ARFGEF1: variants seen among roughly 807,000 people sequenced by gnomAD.
The protein encoded by ARFGEF1 is brefeldin A-inhibited guanine nucleotide-exchange protein 1.
In ARFGEF1, 42 loss-of-function variants were observed where a neutral mutation model predicts 231.0. The ratio of observed to expected loss-of-function variants is 0.18; its 90% CI spans 0.14 to 0.24. ARFGEF1 has a LOEUF of 0.24. Among genes scored for constraint, ARFGEF1 ranks in the 10% least tolerant of loss-of-function variants. The probability of loss-of-function intolerance (pLI) is 1.00; values close to 1 mark genes in which losing one functional copy is unlikely to be tolerated. For missense variants in ARFGEF1, 1,345 were observed against 2,192.0 expected (o/e 0.61, Z 7.72); for synonymous variants, 710 against 732.3 (o/e 0.97, Z 0.49).
chr8:67,300,851 TA>T (rs762595248), intron 3 of ARFGEF1, among the ~76,000 whole-genome samples: 121 of 130,850 alleles, frequency 9.2e-4, no homozygotes, highest in Middle Eastern at 3.8e-3. Flanking sequence ...CTCAAAAAAT[TA>T]AAAAAAAAAA....
downstream of ARFGEF1, chr8:67,193,561 T>C (rs2129575962): frequency 6.2e-7 from 1 of 1,613,888 alleles, no homozygotes; most frequent in Non-Finnish European, 8.5e-7. Flanking sequence ...GAGGAACGAA[T>C]GCGAAGACTG....
At chr8:67,330,361 C>G (rs947577316) in intron 1 of ARFGEF1, among the ~76,000 whole-genome samples, 4 of 152,174 alleles carry the variant, frequency 2.6e-5, no homozygotes, top group Admixed American at 2.6e-4. Flanking sequence ...AACAAAAGAA[C>G]CTTTCCTTCT....
rs1840175965 is a variant in ARFGEF1, at chr8:67,248,560, C to T, written c.2850+2739G>A. On this transcript the variant is annotated intron_variant, in intron 19 of 38. Transcript: ENST00000262215. Reference sequence around the variant, plus strand: ...ACCGTAAGAAAACATTGAGGATTCTCTAGGACATTAAGCTGGGCAAAGATT... The same window carrying T: ...ACCGTAAGAAAACATTGAGGATTCTTTAGGACATTAAGCTGGGCAAAGATT... 1.3e-5 allele frequency among the ~76,000 whole-genome samples: 2 copies of T among 150,470 alleles called. 1 individual carries two copies. Among genetic ancestry groups the T allele is most frequent in the Admixed American group, 1.3e-4 (2 of 15,054 alleles).
intron 34 of ARFGEF1, among the ~76,000 whole-genome samples, chr8:67,208,465 A>T (rs1252907586): frequency 1.3e-5 from 2 of 152,014 alleles, no homozygotes; most frequent in African/African-American, 4.8e-5. Flanking sequence ...CCCCATCTCT[A>T]CTAAAAATCC....
In ARFGEF1 at chr8:67,219,721, A is replaced by C. The variant is rs368840614; in HGVS notation, c.4209-161T>G. ...TTAAAAAATTTAAGTTGTAAGAACA[A>C]CAGGTTCCTTTAGGATACATCATTC... On this transcript the variant is annotated intron_variant, in intron 29 of 38. Coordinates refer to ENST00000262215, the MANE Select transcript of ARFGEF1 (RefSeq NM_006421.5). 4.6e-5 allele frequency among the ~76,000 whole-genome samples: 7 copies of C among 152,356 alleles called. No homozygotes were observed. In the South Asian group the frequency reaches 8.3e-4, roughly 18 times the overall value.
At chr8:67,267,858 A>T (rs1804913031) in intron 10 of ARFGEF1, among the ~76,000 whole-genome samples, 1 of 152,164 alleles carries the variant, frequency 6.6e-6, no homozygotes, top group African/African-American at 2.4e-5. Flanking sequence ...AACTGTTCGT[A>T]GATTTAAATG....
At chr8:67,294,906 T>G (rs1806164443) in intron 5 of ARFGEF1, among the ~76,000 whole-genome samples, 1 of 152,102 alleles carries the variant, frequency 6.6e-6, no homozygotes, top group Non-Finnish European at 1.5e-5. Flanking sequence ...CTTATTGAAG[T>G]GGTTGATTCC....
At chr8:67,238,156 G>A (rs571588852) in intron 22 of ARFGEF1, among the ~76,000 whole-genome samples, 187 bp downstream of exon 22, 24 of 152,256 alleles carry the variant, frequency 1.6e-4, no homozygotes, top group African/African-American at 5.8e-4. Flanking sequence ...CTGAAACTAA[G>A]GGTCATTTAA....
At chr8:67,292,322 A>G (rs1213172509) in intron 5 of ARFGEF1, among the ~76,000 whole-genome samples, 199 bp from the exon 6 acceptor site, 2 of 152,324 alleles carry the variant, frequency 1.3e-5, no homozygotes, top group Non-Finnish European at 1.5e-5. Context: ...AAATTGGCAC[A>G]TAAGAACAGA....
At chr8:67,175,692 A>T (rs979420105) in intron 5 of ARFGEF1, 1 of 591,624 alleles carries the variant, frequency 1.7e-6, no homozygotes, top group African/African-American at 1.8e-5. Flanking sequence ...GAATACTTTG[A>T]CCAGGCCAGG....
At chr8:67,277,797 C>A (rs1055113353) in intron 7 of ARFGEF1, among the ~76,000 whole-genome samples, 2 of 151,986 alleles carry the variant, frequency 1.3e-5, no homozygotes, top group African/African-American at 4.8e-5. Flanking sequence ...ACAAATTCCT[C>A]GAAAAAATAT....
At chr8:67,343,088 A>AG in intron 1 of ARFGEF1, 76 bp downstream of exon 1, 125 of 399,036 alleles carry the variant, frequency 3.1e-4, no homozygotes, top group East Asian at 5.6e-4. Flanking sequence ...GCCCCGGGCG[A>AG]CCCCACCCCC....
At chr8:67,196,701 T>C (rs191415396), downstream of ARFGEF1, among the ~76,000 whole-genome samples, 377 of 152,324 alleles carry the variant, frequency 2.5e-3, 2 homozygotes, top group Non-Finnish European at 2.2e-3. Context: ...TCTGTTGTCA[T>C]CTGAAAGTAA....
intron 1 of ARFGEF1, among the ~76,000 whole-genome samples, chr8:67,303,540 G>A (rs1252903666): frequency 4.6e-5 from 7 of 151,994 alleles, no homozygotes; most frequent in African/African-American, 1.7e-4. Context: ...GTGAAACATC[G>A]TCTCTACTAA....
At chr8:67,234,993 C>T (rs187113398) in intron 22 of ARFGEF1, among the ~76,000 whole-genome samples, 51 of 151,350 alleles carry the variant, frequency 3.4e-4, no homozygotes, top group African/African-American at 1.1e-3. Flanking sequence ...AGATAACTTC[C>T]TTTGTGTATC....
intron 1 of ARFGEF1, among the ~76,000 whole-genome samples, chr8:67,320,180 C>T (rs1337340332): frequency 1.4e-5 from 2 of 141,292 alleles, no homozygotes; most frequent in African/African-American, 5.4e-5. Context: ...GCCGAGATCG[C>T]ACCACTGCAC....
In ARFGEF1 at chr8:67,245,860, C is replaced by A. The variant is rs897250133; in HGVS notation, c.2850+5439G>T. ...TCTGTTGTGTACATGAGACACACTT[C>A]ACCTGTAATGATACAAACCGACTGA... On this transcript the variant is annotated intron_variant, in intron 19 of 38. Coordinates refer to ENST00000262215, the MANE Select transcript of ARFGEF1 (RefSeq NM_006421.5). Among the ~76,000 whole-genome samples, 9 of 150,288 alleles carry A rather than the reference C, an allele frequency of 6.0e-5. 1 individual carries two copies. Among genetic ancestry groups the A allele is most frequent in the Non-Finnish European group, 1.2e-4 (8 of 67,800 alleles).
chr8:67,206,413 A>G (rs1469175072), intron 34 of ARFGEF1, among the ~76,000 whole-genome samples: 1 of 148,414 alleles, frequency 6.7e-6, no homozygotes, highest in Non-Finnish European at 1.5e-5. Flanking sequence ...TTATCTTTAA[A>G]AAAAAAAAAA....
In ARFGEF1 at chr8:67,177,694, A is replaced by G. The variant is rs370238037; in HGVS notation, c.561-2122T>C. On this transcript the variant is annotated intron_variant, in intron 5 of 5. Coordinates refer to the ARFGEF1 transcript ENST00000518789. ...ATTGACTACAGTTGACTTAGATGCCATCCCAAGTGCTAAAGTACGAGAGCA... is the reference window on the plus strand; with the variant it reads ...ATTGACTACAGTTGACTTAGATGCCGTCCCAAGTGCTAAAGTACGAGAGCA... The G allele has an allele frequency of 1.8e-5, 29 of 1,611,792 alleles. No individual in the cohort carries two copies. The highest frequency in any genetic ancestry group is 1.7e-6 in the Non-Finnish European group (2 of 1,178,336).
Sources: allele counts gnomAD v4.1 joint callset (sites outside exome capture counted in the v4.1 genomes callset), GRCh38; gene constraint gnomAD v4.1.1; transcripts MANE v1.5; gene names NCBI Gene and HGNC (gene_info 2026-07-23, HGNC 2026-07-21).